The following GRIA4 variants were observed in gnomAD, a reference collection of about 807,000 sequenced individuals.
GRIA4 encodes glutamate receptor 4.
In GRIA4, 34 loss-of-function variants were observed where a neutral mutation model predicts 104.0. That is an observed-to-expected ratio of 0.33 (90% CI 0.25 to 0.44). GRIA4 has a LOEUF of 0.44. Ranked by LOEUF, GRIA4 falls within the 20% of genes least tolerant of loss-of-function variation. The pLI, the probability that GRIA4 is intolerant of heterozygous loss-of-function variation, is 1.00. For missense variants in GRIA4, 750 were observed against 1,096.5 expected, an observed-to-expected ratio of 0.68 and a Z score of 4.46; for synonymous variants, 386 against 381.9, an observed-to-expected ratio of 1.01 and a Z score of -0.13.
At chr11:105,865,553 T>C (rs1284704299) in intron 5 of GRIA4, among the ~76,000 whole-genome samples, 1 of 152,164 alleles carries the variant, frequency 6.6e-6, no homozygotes, top group African/African-American at 2.4e-5. Context: ...AACAAAAATA[T>C]CAATTATTTT....
At chr11:105,717,309 T>C (rs1954125375) in intron 3 of GRIA4, among the ~76,000 whole-genome samples, 1 of 151,858 alleles carries the variant, frequency 6.6e-6, no homozygotes. Flanking sequence ...ATATTTGCCC[T>C]AAAAGCATAA....
intron 7 of GRIA4, among the ~76,000 whole-genome samples, chr11:105,898,752 C>G (rs1946751655): frequency 6.6e-6 from 1 of 152,034 alleles, no homozygotes; most frequent in Admixed American, 6.5e-5. Flanking sequence ...TTCTCCCACA[C>G]AGAAATCTTC....
intron 5 of GRIA4, among the ~76,000 whole-genome samples, chr11:105,864,795 A>G (rs597039): frequency 6.6e-6 from 1 of 152,258 alleles, no homozygotes; most frequent in South Asian, 2.1e-4. Flanking sequence ...ACTTAAACCC[A>G]GGAGGTGGAG....
chr11:105,884,110 C>T (rs147096427), intron 5 of GRIA4, among the ~76,000 whole-genome samples: 147 of 152,358 alleles, frequency 9.6e-4, no homozygotes, highest in African/African-American at 3.2e-3. Flanking sequence ...TCTTCCCCTA[C>T]ATTTTTCTGT....
intron 4 of GRIA4, among the ~76,000 whole-genome samples, chr11:105,851,461 GT>G (rs1183672543): frequency 1.3e-5 from 2 of 152,148 alleles, no homozygotes; most frequent in Non-Finnish European, 2.9e-5. Context: ...TTAATTCAGA[GT>G]AGCATGAGCT....
chr11:105,738,682 G>A (rs779966915), intron 3 of GRIA4, among the ~76,000 whole-genome samples: 2 of 151,950 alleles, frequency 1.3e-5, no homozygotes, highest in African/African-American at 2.4e-5. Flanking sequence ...CTCCAATGAC[G>A]GAATGCTTTC....
At chr11:105,752,696 A>AT (rs1012393923) in intron 3 of GRIA4, among the ~76,000 whole-genome samples, 6 of 151,916 alleles carry the variant, frequency 3.9e-5, no homozygotes, top group East Asian at 1.9e-4. Context: ...GGAAGGCCAT[A>AT]TTTTTTTTAT....
At chr11:105,909,083 A>G (rs1947141947) in intron 9 of GRIA4, among the ~76,000 whole-genome samples, 1 of 152,312 alleles carries the variant, frequency 6.6e-6, no homozygotes, top group Non-Finnish European at 1.5e-5. Flanking sequence ...TGCTGAACTT[A>G]TAATTTTGGA....
chr11:105,671,618 C>CGGTGAGCT (rs2135439008), intron 3 of GRIA4, among the ~76,000 whole-genome samples: 1 of 115,966 alleles, frequency 8.6e-6, no homozygotes, highest in East Asian at 3.0e-4. Flanking sequence ...GTGGAGGTTG[C>CGGTGAGCT]GGTGAGCTGA....
intron 8 of GRIA4, among the ~76,000 whole-genome samples, chr11:105,904,185 T>C (rs559350950): frequency 1.3e-5 from 2 of 152,324 alleles, no homozygotes; most frequent in Middle Eastern, 3.4e-3. Flanking sequence ...ATAATCAGGA[T>C]AAGCTAGGTT....
At chr11:105,978,838 A>G (rs534607965) in intron 16 of GRIA4, among the ~76,000 whole-genome samples, 2 of 152,330 alleles carry the variant, frequency 1.3e-5, no homozygotes, top group South Asian at 2.1e-4. Context: ...GTTATCTGCT[A>G]TGTAATGTGA....
chr11:105,775,652 CA>C (rs1941416182), intron 4 of GRIA4, among the ~76,000 whole-genome samples: 1 of 151,696 alleles, frequency 6.6e-6, no homozygotes, highest in African/African-American at 2.4e-5. Context: ...ATTTTAAAAA[CA>C]GACAAAAATA....
rs1227690866 is a variant in GRIA4, at chr11:105,980,759, G to A, written c.*1020G>A. On this transcript the variant is annotated 3_prime_UTR_variant, in exon 17 of 17. Transcript: ENST00000282499. ...TCTTATCGTTATAAAAGTTATTTGA[G>A]AAATTATAAGACTATAAGAGAGATT... 6.6e-6 allele frequency: 1 copy of A among 152,582 alleles called. No individual in the cohort carries two copies. The allele number at this position is 152,582 out of a possible 1,614,324, so 9.5% of individuals were successfully genotyped here.
At chr11:105,680,563 C>G (rs1464248521) in intron 3 of GRIA4, among the ~76,000 whole-genome samples, 1 of 152,050 alleles carries the variant, frequency 6.6e-6, no homozygotes, top group African/African-American at 2.4e-5. Context: ...TTATTTGCTA[C>G]GAAGTGAGTT....
intron 5 of GRIA4, among the ~76,000 whole-genome samples, chr11:105,884,111 A>G (rs1374675484): frequency 6.6e-6 from 1 of 152,104 alleles, no homozygotes; most frequent in African/African-American, 2.4e-5. Context: ...CTTCCCCTAC[A>G]TTTTTCTGTC....
chr11:105,815,872 T>C (rs550509672), intron 4 of GRIA4, among the ~76,000 whole-genome samples: 1 of 152,320 alleles, frequency 6.6e-6, no homozygotes, highest in African/African-American at 2.4e-5. Context: ...ATGATTTAGT[T>C]TAATACTGTG....
intron 4 of GRIA4, among the ~76,000 whole-genome samples, chr11:105,791,804 T>C (rs1942225660): frequency 6.6e-6 from 1 of 152,178 alleles, no homozygotes; most frequent in Admixed American, 6.6e-5. Flanking sequence ...AAGTTAACAT[T>C]AGAAATTTAA....
intron 3 of GRIA4, among the ~76,000 whole-genome samples, chr11:105,706,007 G>A (rs1953684371): frequency 6.6e-6 from 1 of 152,202 alleles, no homozygotes. Context: ...TCATACATAG[G>A]AGAGTGATTG....
intron 4 of GRIA4, among the ~76,000 whole-genome samples, chr11:105,779,067 A>T (rs1447167517): frequency 6.6e-6 from 1 of 150,632 alleles, no homozygotes; most frequent in East Asian, 2.0e-4. Context: ...TAGTTTGCTG[A>T]GAATGATGGT....
Sources: gnomAD v4.1 joint callset for allele counts (sites outside exome capture counted in the v4.1 genomes callset) on GRCh38, gnomAD v4.1.1 for gene constraint, MANE v1.5 for transcripts, NCBI Gene and HGNC (gene_info 2026-07-23, HGNC 2026-07-21) for gene names.